DLGAP2: variants seen among roughly 807,000 people sequenced by gnomAD.
DLGAP2 encodes disks large-associated protein 2.
In DLGAP2, 26 loss-of-function variants were observed where a neutral mutation model predicts 100.3. That is an observed-to-expected ratio of 0.26 (90% confidence interval 0.19 to 0.36). The LOEUF is 0.36. DLGAP2 is among the 10% of genes least tolerant of loss of function. The pLI is 1.00. For synonymous variants in DLGAP2, 886 were observed against 630.1 expected (o/e 1.41, Z -6.08); for missense variants, 1,858 against 1,453.2 (o/e 1.28, Z -4.53).
chr8:1,159,240 T>G (rs1261094017), intron 2 of DLGAP2, among the ~76,000 whole-genome samples: 9 of 152,264 alleles, frequency 5.9e-5, no homozygotes, highest in African/African-American at 2.2e-4. Flanking sequence ...TCTTGTTCCA[T>G]CTATGAAATC....
chr8:855,981 G>T (rs1259647822), intron 1 of DLGAP2, among the ~76,000 whole-genome samples: 1 of 152,108 alleles, frequency 6.6e-6, no homozygotes, highest in Non-Finnish European at 1.5e-5. Flanking sequence ...ATCCCGCAGA[G>T]ATCAGAAATG....
chr8:1,175,846 A>G (rs1352799014), intron 2 of DLGAP2, among the ~76,000 whole-genome samples: 2 of 152,224 alleles, frequency 1.3e-5, no homozygotes, highest in Admixed American at 6.5e-5. Context: ...TTGGATTTAC[A>G]CAAACCTAGA....
At chr8:1,239,620 T>A (rs1798739894) in intron 2 of DLGAP2, among the ~76,000 whole-genome samples, 1 of 65,030 alleles carries the variant, frequency 1.5e-5, no homozygotes, top group Non-Finnish European at 2.9e-5. Flanking sequence ...TCTAGTTCTC[T>A]CACATGGCGC....
chr8:1,146,088 C>T (rs1394912535), intron 2 of DLGAP2, among the ~76,000 whole-genome samples: 1 of 152,122 alleles, frequency 6.6e-6, no homozygotes, highest in East Asian at 1.9e-4. Context: ...CACTTCACTC[C>T]ACCAACCCAC....
intron 3 of DLGAP2, among the ~76,000 whole-genome samples, chr8:1,437,292 G>C (rs1372482545): frequency 6.6e-6 from 1 of 152,262 alleles, no homozygotes; most frequent in Non-Finnish European, 1.5e-5. Context: ...CAGGCATGCA[G>C]GCGCGAAGCC....
At chr8:1,071,217 A>G (rs1803419779) in intron 2 of DLGAP2, among the ~76,000 whole-genome samples, 1 of 152,194 alleles carries the variant, frequency 6.6e-6, no homozygotes. Context: ...TGTGATGATA[A>G]AAACTGTACT....
chr8:1,470,758 T>TCCCCCAGGCTTTCCCGACC (rs1563168427), intron 3 of DLGAP2, among the ~76,000 whole-genome samples: 3 of 105,270 alleles, frequency 2.8e-5, no homozygotes, highest in African/African-American at 9.2e-5. Flanking sequence ...CTTCCCCGAC[T>TCCCCCAGGCTTTCCCGACC]CCTCCAGCCT....
rs554876413 is a variant in DLGAP2, at chr8:1,424,719, C to G, written c.107-76647C>G. Reference sequence around the variant, plus strand: ...TGCACAGACAGAAGGCCGGATAGGACAAGGATGGTGTGATCCCCTTACACG... The same window carrying G: ...TGCACAGACAGAAGGCCGGATAGGAGAAGGATGGTGTGATCCCCTTACACG... On this transcript the variant is annotated intron_variant, in intron 3 of 14. Coordinates refer to ENST00000637795, the MANE Select transcript of DLGAP2 (RefSeq NM_001346810.2). Among the ~76,000 whole-genome samples, 37 of 152,200 alleles carry G rather than the reference C, an allele frequency of 2.4e-4. 1 individual carries two copies. Among genetic ancestry groups the G allele is most frequent in the African/African-American group, 8.2e-4 (34 of 41,514 alleles).
intron 1 of DLGAP2, among the ~76,000 whole-genome samples, chr8:826,497 C>T (rs1398818527): frequency 6.6e-6 from 1 of 152,140 alleles, no homozygotes; most frequent in African/African-American, 2.4e-5. Context: ...GACTTTTTCC[C>T]CACAGGCATT....
chr8:1,558,395 G>A (rs1257335186), intron 5 of DLGAP2, among the ~76,000 whole-genome samples: 1 of 152,176 alleles, frequency 6.6e-6, no homozygotes, highest in African/African-American at 2.4e-5. Flanking sequence ...GCAGGCCTGG[G>A]GGACACACCT....
chr8:756,646 G>A (rs1416701880), intron 1 of DLGAP2, among the ~76,000 whole-genome samples: 4 of 152,168 alleles, frequency 2.6e-5, no homozygotes, highest in East Asian at 1.9e-4. Flanking sequence ...CTGAAAGATC[G>A]TCTGGTCAGG....
intron 2 of DLGAP2, among the ~76,000 whole-genome samples, chr8:1,224,874 C>T (rs187749431): frequency 7.8e-4 from 119 of 152,294 alleles, no homozygotes; most frequent in African/African-American, 2.7e-3. Context: ...GAGTCAAAAC[C>T]GCAGTGAACT....
At chr8:1,275,823 TAA>T (rs1366377198) in intron 3 of DLGAP2, among the ~76,000 whole-genome samples, 18 of 123,794 alleles carry the variant, frequency 1.5e-4, no homozygotes, top group Non-Finnish European at 1.1e-4. Context: ...ATATAATATA[TAA>T]AAATAAATAT....
intron 3 of DLGAP2, among the ~76,000 whole-genome samples, chr8:1,358,449 G>T (rs1487024661): frequency 2.0e-4 from 31 of 152,136 alleles, no homozygotes; most frequent in Non-Finnish European, 2.9e-5. Flanking sequence ...GATTTTAGCT[G>T]TTTCTCCACA....
chr8:800,027 A>C (rs979866682), intron 1 of DLGAP2, among the ~76,000 whole-genome samples: 2 of 152,120 alleles, frequency 1.3e-5, no homozygotes, highest in Non-Finnish European at 2.9e-5. Flanking sequence ...TACCGAGAAA[A>C]CCATGTTTCT....
chr8:999,031 C>T (rs1800866327), intron 2 of DLGAP2, among the ~76,000 whole-genome samples: 1 of 152,178 alleles, frequency 6.6e-6, no homozygotes, highest in Non-Finnish European at 1.5e-5. Flanking sequence ...CCAGATGAAC[C>T]ATACCAGGTT....
chr8:765,566 A>G (rs751453459), intron 1 of DLGAP2, among the ~76,000 whole-genome samples: 7 of 152,194 alleles, frequency 4.6e-5, no homozygotes, highest in Non-Finnish European at 7.3e-5. Context: ...ATGTCAGTCC[A>G]GTTTATATTG....
At chr8:1,209,647 A>G (rs1327536904) in intron 2 of DLGAP2, among the ~76,000 whole-genome samples, 1 of 152,256 alleles carries the variant, frequency 6.6e-6, no homozygotes, top group Non-Finnish European at 1.5e-5. Context: ...TGATGTCATG[A>G]GAGTAACCTC....
chr8:1,369,717 C>G (rs35553257), intron 3 of DLGAP2: 2 of 152,306 alleles, frequency 1.3e-5, no homozygotes, highest in African/African-American at 2.4e-5. Flanking sequence ...TTCCAACTTA[C>G]CCTAGCCCTG....
Sources: gnomAD v4.1 joint callset for allele counts (sites outside exome capture counted in the v4.1 genomes callset) on GRCh38, gnomAD v4.1.1 for gene constraint, MANE v1.5 for transcripts, NCBI Gene and HGNC (gene_info 2026-07-23, HGNC 2026-07-21) for gene names.